SETD6: variants seen among roughly 807,000 people sequenced by gnomAD.
The protein encoded by SETD6 is SET domain containing 6, protein lysine methyltransferase.
SETD6 carries 67 observed loss-of-function variants against 52.7 expected under a neutral mutation model. The ratio of observed to expected loss-of-function variants is 1.27; its 90% CI spans 1.04 to 1.56. The LOEUF (loss-of-function observed/expected upper bound fraction) is 1.56, where lower values mean the gene tolerates loss of function less well. Among genes scored for constraint, SETD6 ranks in the 40% most tolerant of loss-of-function variants. SETD6 has a pLI of 0.00. For missense variants in SETD6, 712 were observed against 607.5 expected (o/e 1.17, Z -1.81); for synonymous variants, 307 against 250.2 (o/e 1.23, Z -2.14).
At position 58,523,596 on chromosome 16, in the gene SETD6, G is replaced by T; in HGVS notation, c.*4567G>T. 8.7e-7 allele frequency: 1 copy of T among 1,145,638 alleles called. No homozygotes were observed. The highest frequency in any genetic ancestry group is 1.2e-6 in the Non-Finnish European group (1 of 811,056). The allele number at this position is 1,145,638 out of a possible 1,614,324, so 71.0% of individuals were successfully genotyped here. ...GCTAGGGTTTGGGTTTCTGACAGAG[G>T]CTTTCAAATTAATCTTTGGTTTAAA... is the stretch of plus-strand genomic sequence containing the variant. On this transcript the variant is annotated 3_prime_UTR_variant, in exon 8 of 8. Transcript: ENST00000219315.
At chr16:58,517,964 C>A in intron 5 of SETD6, 87 bp from the exon 6 acceptor site, 1 of 1,543,062 alleles carries the variant, frequency 6.5e-7, no homozygotes, top group Non-Finnish European at 8.9e-7. Context: ...CTGAACTACA[C>A]CTGCTGAAGG....
intron 2 of SETD6, 24 bp from the exon 3 acceptor site, chr16:58,516,178 C>T (rs773638281): frequency 6.9e-7 from 1 of 1,450,716 alleles, no homozygotes; most frequent in Non-Finnish European, 9.0e-7. Context: ...CGCGCCGGGG[C>T]GCTCACACCT....
rs2039160574 is a variant in SETD6 at position 58,516,545 on chromosome 16, G to A, written c.544G>A (p.Ala182Thr). 1 of 1,614,026 alleles carries A rather than the reference G, an allele frequency of 6.2e-7. No homozygotes were observed. Among genetic ancestry groups the A allele is most frequent in the African/African-American group, 1.3e-5 (1 of 74,918 alleles). Residue 182 changes from alanine (A) to threonine (T), a missense_variant, in exon 4 of 8, where the codon GCC (alanine) becomes ACC (threonine). Ala to Thr is a moderately conservative substitution (Grantham distance 58, BLOSUM62 0). Coordinates refer to ENST00000219315, the MANE Select transcript of SETD6 (RefSeq NM_001160305.4). The part of the protein sequence containing the change: ...GVPEAVEKDL[A>T]NIRSEYQSIV... The stretch of plus-strand genomic sequence containing the variant: ...ACCTGAGGCCGTGGAGAAGGATTTG[G>A]CCAACATCCGCAGCGAGTACCAGTC...
rs775690820 is a variant in SETD6, at chr16:58,521,966, TTAAA to T, written c.*2949_*2952del. 7.0e-4 allele frequency among the ~76,000 whole-genome samples: 106 copies of T among 150,558 alleles called. No individual in the cohort carries two copies. In the East Asian group the frequency reaches 9.0e-3, roughly 13 times the overall value. The stretch of plus-strand genomic sequence containing the variant: ...ACCCTGTCTCAAATAAACAGATAAA[TTAAA>T]TAAATAAATAAGCTCACTCTCAATA... On this transcript the variant is annotated 3_prime_UTR_variant, in exon 8 of 8. Coordinates refer to ENST00000219315, the MANE Select transcript of SETD6 (RefSeq NM_001160305.4).
Position 58,523,520 on chromosome 16 carries a change from T to C in SETD6, c.*4491T>C, listed in dbSNP as rs1344845090. The C allele has an allele frequency of 6.2e-7, 1 of 1,613,458 alleles. No individual in the cohort carries two copies. Among genetic ancestry groups the C allele is most frequent in the Middle Eastern group, 1.7e-4 (1 of 6,060 alleles). On this transcript the variant is annotated 3_prime_UTR_variant, in exon 8 of 8. Coordinates refer to ENST00000219315, the MANE Select transcript of SETD6 (RefSeq NM_001160305.4). ...ATAGCGACCTAGAAATTAAGAAACC[T>C]TGACTTAGGACTTAGTCTGAAAGGC...
In SETD6 at chr16:58,521,422, G is replaced by T; in HGVS notation, c.*2393G>T. On this transcript the variant is annotated 3_prime_UTR_variant, in exon 8 of 8. Transcript: ENST00000219315. ...CTTCTCCCTGACTATTGAACCACAT[G>T]CAAAAGTTTTCACCTTTAGTAAAGA... The T allele has an allele frequency of 1.7e-6, 2 of 1,185,178 alleles. No homozygotes were observed. The highest frequency in any genetic ancestry group is 2.4e-6 in the Non-Finnish European group (2 of 843,350). 73.4% of individuals were successfully genotyped at this position (1,185,178 alleles called of 1,614,324 possible).
At position 58,522,355 on chromosome 16, in the gene SETD6, A is replaced by T. The variant is rs2039424772; in HGVS notation, c.*3326A>T. Among the ~76,000 whole-genome samples, 1 of 152,092 alleles carries T rather than the reference A, an allele frequency of 6.6e-6. No homozygotes were observed. The highest frequency in any genetic ancestry group is 2.1e-4 in the South Asian group (1 of 4,824). On this transcript the variant is annotated 3_prime_UTR_variant, in exon 8 of 8. Transcript: ENST00000219315. Reference sequence around the variant, plus strand: ...TTAACTTTATATCCTTTCACGTACCAACTGTACATGAAGCATAACAAAGAT... The same window carrying T: ...TTAACTTTATATCCTTTCACGTACCTACTGTACATGAAGCATAACAAAGAT...
In SETD6 at chr16:58,521,337, G is replaced by A. The variant is rs561237824; in HGVS notation, c.*2308G>A. 1 of 1,590,804 alleles carries A rather than the reference G, an allele frequency of 6.3e-7. No individual in the cohort carries two copies. Among genetic ancestry groups the A allele is most frequent in the Admixed American group, 1.9e-5 (1 of 53,190 alleles). ...AGAACTCTGGAAAAAGGGAGAAAGAGCTAGTTAATGTATAGAAGCATACAA... is the reference window on the plus strand; with the variant it reads ...AGAACTCTGGAAAAAGGGAGAAAGAACTAGTTAATGTATAGAAGCATACAA... On this transcript the variant is annotated 3_prime_UTR_variant, in exon 8 of 8. Coordinates refer to ENST00000219315, the MANE Select transcript of SETD6 (RefSeq NM_001160305.4).
Position 58,521,025 on chromosome 16 carries a change from G to A in SETD6, c.*1996G>A. On this transcript the variant is annotated 3_prime_UTR_variant, in exon 8 of 8. Transcript: ENST00000219315. ...CTGTCCCATGCAGCACTGTGCGACC[G>A]ACTGGAATAACCTGAAGGATGAAGA... The A allele has an allele frequency of 6.2e-7, 1 of 1,614,036 alleles. No homozygotes were observed. Among genetic ancestry groups the A allele is most frequent in the Non-Finnish European group, 8.5e-7 (1 of 1,180,040 alleles).
At chr16:58,518,653 TTA>T in intron 7 of SETD6, 69 bp from the exon 8 acceptor site, 2 of 1,588,236 alleles carry the variant, frequency 1.3e-6, no homozygotes, top group Non-Finnish European at 1.7e-6. Flanking sequence ...TAAGATGAGT[TTA>T]GTCTCCTGAG....
Position 58,521,609 on chromosome 16 carries a change from G to A in SETD6, c.*2580G>A, listed in dbSNP as rs1010554126. 7.2e-5 allele frequency among the ~76,000 whole-genome samples: 11 copies of A among 152,170 alleles called. No individual in the cohort carries two copies. Among genetic ancestry groups the A allele is most frequent in the African/African-American group, 2.7e-4 (11 of 41,442 alleles). Reference sequence around the variant, plus strand: ...GATGGGGGAGAGGAAGCCACATAAAGCCCAGAGTACATGGCACACAAAGTT... The same window carrying A: ...GATGGGGGAGAGGAAGCCACATAAAACCCAGAGTACATGGCACACAAAGTT... On this transcript the variant is annotated 3_prime_UTR_variant, in exon 8 of 8. Coordinates refer to ENST00000219315, the MANE Select transcript of SETD6 (RefSeq NM_001160305.4).
At position 58,519,752 on chromosome 16, in the gene SETD6, A is replaced by AAT. The variant is rs1270883232; in HGVS notation, c.*725_*726dup. On this transcript the variant is annotated 3_prime_UTR_variant, in exon 8 of 8. Transcript: ENST00000219315. ...CCAGCATTTGTCCAGTGTTGAAATA[A>AAT]ATAGGAAGAAAAATACAATTTCCTT... 1 of 152,250 alleles carries AAT rather than the reference A, an allele frequency of 6.6e-6. No individual in the cohort carries two copies. The highest frequency in any genetic ancestry group is 2.4e-5 in the African/African-American group (1 of 41,466). 9.4% of individuals were successfully genotyped at this position (152,250 alleles called of 1,614,324 possible).
rs1407741660 is a variant in SETD6, at chr16:58,521,331, GAA to G, written c.*2304_*2305del. The G allele has an allele frequency of 6.3e-7, 1 of 1,593,474 alleles. No homozygotes were observed. Among genetic ancestry groups the G allele is most frequent in the Admixed American group, 1.9e-5 (1 of 53,614 alleles). On this transcript the variant is annotated 3_prime_UTR_variant, in exon 8 of 8. Coordinates refer to ENST00000219315, the MANE Select transcript of SETD6 (RefSeq NM_001160305.4). ...TCCAAGAGAACTCTGGAAAAAGGGAGAAAGAGCTAGTTAATGTATAGAAGCAT... is the reference window on the plus strand; with the variant it reads ...TCCAAGAGAACTCTGGAAAAAGGGAGAGAGCTAGTTAATGTATAGAAGCAT...
rs56149974 is a variant in SETD6, at chr16:58,522,237, C to CAAAAAAAAAAA, written c.*3228_*3238dup. Among the ~76,000 whole-genome samples, 21 of 98,590 alleles carry CAAAAAAAAAAA rather than the reference C, an allele frequency of 2.1e-4. No homozygotes were observed. Among genetic ancestry groups the CAAAAAAAAAAA allele is most frequent in the African/African-American group, 8.5e-4 (20 of 23,632 alleles). The allele number at this position is 98,590 out of a possible 152,430, so 64.7% of individuals were successfully genotyped here. A position where few individuals can be genotyped will look rare whatever the true frequency, so the allele number is the denominator to read the frequency against. On this transcript the variant is annotated 3_prime_UTR_variant, in exon 8 of 8. Coordinates refer to ENST00000219315, the MANE Select transcript of SETD6 (RefSeq NM_001160305.4). ...AGGAGGCGACAAAGCGAGACTGTCT[C>CAAAAAAAAAAA]AAAAAAAAAAAAAAAAAAAAAAAAA...
Position 58,520,637 on chromosome 16 carries a change from A to T in SETD6, c.*1608A>T. On this transcript the variant is annotated 3_prime_UTR_variant, in exon 8 of 8. Coordinates refer to ENST00000219315, the MANE Select transcript of SETD6 (RefSeq NM_001160305.4). ...AGCTGCCTCTTCATTACAAGGTACCAGTTTATGTACTTGCCTTGGACACAG... is the reference window on the plus strand; with the variant it reads ...AGCTGCCTCTTCATTACAAGGTACCTGTTTATGTACTTGCCTTGGACACAG... 3.0e-6 allele frequency: 1 copy of T among 330,008 alleles called. No individual in the cohort carries two copies. Among genetic ancestry groups the T allele is most frequent in the Non-Finnish European group, 5.7e-6 (1 of 174,496 alleles). 20.4% of individuals were successfully genotyped at this position (330,008 alleles called of 1,614,324 possible). A position where few individuals can be genotyped will look rare whatever the true frequency, so the allele number is the denominator to read the frequency against.
chr16:58,518,661 C>T, intron 7 of SETD6, 63 bp from the exon 8 acceptor site: 1 of 1,593,754 alleles, frequency 6.3e-7, no homozygotes, highest in Non-Finnish European at 8.5e-7. Context: ...GTTTAGTCTC[C>T]TGAGTCATTT....
Position 58,516,874 on chromosome 16 carries a change from T to G in SETD6, c.738T>G (p.Ala246=). ...CCAACTCCCCCGTGATGGTGCCTGC[T>G]GCAGACATACTAAACCACTTAGCCA... ...KEPNSPVMVP[A]ADILNHLANH... The change falls in exon 5 of 8, where the codon GCT becomes GCG. Residue 246 remains alanine, a synonymous_variant. Coordinates refer to ENST00000219315, the MANE Select transcript of SETD6 (RefSeq NM_001160305.4). 1 of 1,614,196 alleles carries G rather than the reference T, an allele frequency of 6.2e-7. No individual in the cohort carries two copies. Among genetic ancestry groups the G allele is most frequent in the Non-Finnish European group, 8.5e-7 (1 of 1,180,036 alleles).
In SETD6 at chr16:58,519,188, G is replaced by GGTGAT. The variant is rs2039277689; in HGVS notation, c.*163_*167dup. The GGTGAT allele has an allele frequency of 2.9e-6, 2 of 680,480 alleles. No individual in the cohort carries two copies. The highest frequency in any genetic ancestry group is 4.8e-6 in the Non-Finnish European group (2 of 414,124). 42.2% of individuals were successfully genotyped at this position (680,480 alleles called of 1,614,324 possible). On this transcript the variant is annotated 3_prime_UTR_variant, in exon 8 of 8. Transcript: ENST00000219315. ...GTGTGCTAGGATTAACTCAGGTAAG[G>GGTGAT]GTGATGTGTTTTAGGATTGAGAACA...
In SETD6 at chr16:58,523,684, C is replaced by T. The variant is rs2039484486; in HGVS notation, c.*4655C>T. ...GTGCGTTTTATTTCAGAATTTTCCA[C>T]ATTAGAAATTAGATTTTAAAAATAT... On this transcript the variant is annotated 3_prime_UTR_variant, in exon 8 of 8. Coordinates refer to ENST00000219315, the MANE Select transcript of SETD6 (RefSeq NM_001160305.4). 2.1e-6 allele frequency: 1 copy of T among 478,598 alleles called. No homozygotes were observed. The highest frequency in any genetic ancestry group is 3.7e-6 in the Non-Finnish European group (1 of 271,940). The allele number at this position is 478,598 out of a possible 1,614,324, so 29.6% of individuals were successfully genotyped here. A position where few individuals can be genotyped will look rare whatever the true frequency, so the allele number is the denominator to read the frequency against.
Sources: gnomAD v4.1 joint callset for allele counts (sites outside exome capture counted in the v4.1 genomes callset) on GRCh38, gnomAD v4.1.1 for gene constraint, MANE v1.5 for transcripts, NCBI Gene and HGNC (gene_info 2026-07-23, HGNC 2026-07-21) for gene names.